The following MYBPC1 variants were observed in gnomAD, a reference collection of about 807,000 sequenced individuals.
The protein encoded by MYBPC1 is myosin binding protein C1.
MYBPC1 carries 52 observed loss-of-function variants against 147.1 expected under a neutral mutation model. That is an observed-to-expected ratio of 0.35 (90% CI 0.28 to 0.45). The LOEUF (loss-of-function observed/expected upper bound fraction) is 0.45. Among genes scored for constraint, MYBPC1 ranks in the 20% least tolerant of loss-of-function variants. MYBPC1 has a pLI of 1.00. For missense variants in MYBPC1, 1,228 were observed against 1,440.3 expected, an observed-to-expected ratio of 0.85 and a Z score of 2.39; for synonymous variants, 477 against 475.9, an observed-to-expected ratio of 1.00 and a Z score of -0.03.
At chr12:101,683,469 A>G (rs1951152939) in intron 30 of MYBPC1, among the ~76,000 whole-genome samples, 1 of 152,186 alleles carries the variant, frequency 6.6e-6, no homozygotes, top group Non-Finnish European at 1.5e-5. Flanking sequence ...ACATATTTAA[A>G]ATATTCCCAT....
At chr12:101,680,631 G>A in intron 29 of MYBPC1, 102 bp downstream of exon 29, 10 of 1,446,952 alleles carry the variant, frequency 6.9e-6, no homozygotes, top group Non-Finnish European at 9.6e-6. Context: ...TTGCCAAAAT[G>A]CTGCAGCGAG....
intron 1 of MYBPC1, among the ~76,000 whole-genome samples, chr12:101,613,639 A>T (rs1481772203): frequency 6.6e-6 from 1 of 152,078 alleles, no homozygotes; most frequent in Non-Finnish European, 1.5e-5. Context: ...GCCTTTACCT[A>T]CTTGGAAATA....
chr12:101,680,425 C>T lies in MYBPC1; in HGVS notation c.3329C>T (p.Thr1110Ile), dbSNP rs774166246. 6 of 1,614,068 alleles carry T rather than the reference C, an allele frequency of 3.7e-6. No individual in the cohort carries two copies. The highest frequency in any genetic ancestry group is 2.2e-5 in the South Asian group (2 of 91,078). The change falls in exon 29 of 32, where the codon ACC (threonine) becomes ATC (isoleucine). Residue 1110 changes from threonine (T) to isoleucine (I), a missense_variant. Thr to Ile is a moderately conservative substitution (Grantham distance 89, BLOSUM62 -1). Around this residue, in one of 2 missense-constraint regions of MYBPC1, gnomAD observed 1,077 missense variants for 1,314.2 expected, o/e 0.82. Coordinates refer to ENST00000361466, the MANE Select transcript of MYBPC1 (RefSeq NM_002465.4). The stretch of plus-strand genomic sequence containing the variant: ...ATGTTCAGCAACCAGGGAGTCTGTA[C>T]CCTGGAAATTCGCAAGCCCAGCCCC... ...YRMFSNQGVCTLEIRKPSPYD... is the reference protein window; with the variant it reads ...YRMFSNQGVCILEIRKPSPYD...
chr12:101,654,751 A>C (rs928274164), intron 18 of MYBPC1, among the ~76,000 whole-genome samples: 11 of 152,220 alleles, frequency 7.2e-5, no homozygotes, highest in African/African-American at 2.7e-4. Context: ...GGCCAATAGT[A>C]GTGCCTGTTC....
chr12:101,671,036 C>T (rs1439986635), intron 24 of MYBPC1, among the ~76,000 whole-genome samples: 1 of 151,204 alleles, frequency 6.6e-6, no homozygotes, highest in African/African-American at 2.4e-5. Flanking sequence ...ACTCCCTATT[C>T]ATATGACACC....
At chr12:101,650,231 T>C (rs946065402) in intron 15 of MYBPC1, among the ~76,000 whole-genome samples, 1 of 152,232 alleles carries the variant, frequency 6.6e-6, no homozygotes. Flanking sequence ...AATTATGCTA[T>C]GCAAAGTCAT....
At chr12:101,674,769 A>G (rs1037382235) in intron 25 of MYBPC1, among the ~76,000 whole-genome samples, 2 of 148,294 alleles carry the variant, frequency 1.3e-5, no homozygotes, top group Non-Finnish European at 3.0e-5. Flanking sequence ...AGGCTGAGGC[A>G]TGAAAATCGC....
At chr12:101,688,467 A>G (rs1951379944), downstream of MYBPC1, among the ~76,000 whole-genome samples, 1 of 152,136 alleles carries the variant, frequency 6.6e-6, no homozygotes, top group Non-Finnish European at 1.5e-5. Context: ...ACCTTAAAAG[A>G]AGGCTTAATG....
At chr12:101,654,435 C>T (rs1015743439) in intron 18 of MYBPC1, among the ~76,000 whole-genome samples, 1 of 152,082 alleles carries the variant, frequency 6.6e-6, no homozygotes, top group Non-Finnish European at 1.5e-5. Flanking sequence ...CTATAATTGC[C>T]TCAAGCTTAT....
intron 30 of MYBPC1, among the ~76,000 whole-genome samples, chr12:101,683,671 A>G (rs1291478016): frequency 1.3e-5 from 2 of 152,214 alleles, no homozygotes; most frequent in Non-Finnish European, 2.9e-5. Context: ...GGAATTGCAA[A>G]TTAAGAGTTT....
chr12:101,678,327 G>T, intron 28 of MYBPC1, 89 bp downstream of exon 28: 1 of 1,551,420 alleles, frequency 6.4e-7, no homozygotes, highest in Non-Finnish European at 8.9e-7. Context: ...AAATCCAGCT[G>T]CTACTTGTGT....
In MYBPC1 at chr12:101,685,877, G is replaced by A; in HGVS notation, c.*315G>A. On this transcript the variant is annotated 3_prime_UTR_variant, in exon 32 of 32. Transcript: ENST00000361466. ...AATTGCAAACAAAATCTCATTTGAA[G>A]TCAGCACTTTGGTCATTATTATCTC... 4.1e-6 allele frequency: 2 copies of A among 486,324 alleles called. No homozygotes were observed. The highest frequency in any genetic ancestry group is 3.6e-6 in the Non-Finnish European group (1 of 276,578). The allele number at this position is 486,324 out of a possible 1,614,324, so 30.1% of individuals were successfully genotyped here. A position where few individuals can be genotyped will look rare whatever the true frequency, so the allele number is the denominator to read the frequency against.
chr12:101,620,769 C>G (rs1887186170), intron 3 of MYBPC1, among the ~76,000 whole-genome samples: 1 of 152,126 alleles, frequency 6.6e-6, no homozygotes, highest in African/African-American at 2.4e-5. Flanking sequence ...CATTTCCATG[C>G]CTAAGTGCTG....
In MYBPC1 at chr12:101,675,376, A is replaced by G. The variant is rs754468920; in HGVS notation, c.2894A>G (p.Asp965Gly). The G allele has an allele frequency of 6.2e-7, 1 of 1,614,034 alleles. No individual in the cohort carries two copies. The highest frequency in any genetic ancestry group is 8.5e-7 in the Non-Finnish European group (1 of 1,179,976). Residue 965 changes from aspartate (D) to glycine (G), a missense_variant, in exon 26 of 32, where the codon GAT (aspartate) becomes GGT (glycine). Transcript: ENST00000361466. ...CTCACATGGACTCCACCAAAGGATG[A>G]TGGAAATGCTGCTATCACAGGCTAT... The part of the protein sequence containing the change: ...VALTWTPPKD[D>G]GNAAITGYTI...
rs1441602299 is a variant in MYBPC1 at position 101,673,601 on chromosome 12, T to A, written c.2788T>A (p.Ser930Thr). Residue 930 changes from serine to threonine, a missense_variant, in exon 25 of 32, where the codon TCA (serine) becomes ACA (threonine). Transcript: ENST00000361466. Reference sequence around the variant, plus strand: ...AGTGGACAAATTCGTGGAGACCGCATCAATTGACATCCAGATCATTGGTAG... The same window carrying A: ...AGTGGACAAATTCGTGGAGACCGCAACAATTGACATCCAGATCATTGGTAG... Reference protein sequence around the residue: ...VKVDKFVETASIDIQIIDRPG... With the variant: ...VKVDKFVETATIDIQIIDRPG... The A allele has an allele frequency of 1.5e-5, 24 of 1,614,160 alleles. No homozygotes were observed. The highest frequency in any genetic ancestry group is 1.9e-5 in the Non-Finnish European group (23 of 1,180,022).
the MYBPC1 span, among the ~76,000 whole-genome samples, chr12:101,693,330 C>T: frequency 0.53 from 79,770 of 151,912 alleles, 22,000 homozygotes; most frequent in Admixed American, 0.61. Context: ...TATATAGTTA[C>T]ATAGATTGCA....
Position 101,660,013 on chromosome 12 carries a change from T to C in MYBPC1, c.1927+182T>C, listed in dbSNP as rs1896255488. The C allele has an allele frequency of 4.1e-6, 3 of 739,984 alleles. No individual in the cohort carries two copies. The South Asian group carries it at 5.0e-5, about 12-fold the overall frequency. 45.8% of individuals were successfully genotyped at this position (739,984 alleles called of 1,614,324 possible). ...AGAGCTAAGGTCAGCCATTTGGGGT[T>C]GCTGGTCATTAGCTCTCCAAAGTCA... On this transcript the variant is annotated intron_variant, in intron 19 of 31. Transcript: ENST00000361466.
intron 18 of MYBPC1, among the ~76,000 whole-genome samples, chr12:101,654,061 C>A (rs1895082783): frequency 6.6e-6 from 1 of 151,910 alleles, no homozygotes; most frequent in African/African-American, 2.4e-5. Context: ...AAAAAATTAG[C>A]CAAATATGGT....
rs751145614 is a variant in MYBPC1 at position 101,670,984 on chromosome 12, A to AAC, written c.2613+576_2613+577insCA. 3.8e-3 allele frequency among the ~76,000 whole-genome samples: 343 copies of AAC among 90,292 alleles called. 1 individual carries two copies. Among genetic ancestry groups the AAC allele is most frequent in the Non-Finnish European group, 6.9e-3 (229 of 32,952 alleles). The allele number at this position is 90,292 out of a possible 152,430, so 59.2% of individuals were successfully genotyped here. On this transcript the variant is annotated intron_variant, in intron 24 of 31. Coordinates refer to ENST00000361466, the MANE Select transcript of MYBPC1 (RefSeq NM_002465.4). ...CAATAGTCAATTTTGGTCTTATACAAATACACACACACACCCTGCACCTCC... is the reference window on the plus strand; with the variant it reads ...CAATAGTCAATTTTGGTCTTATACAAACATACACACACACACCCTGCACCTCC...
Sources: allele counts gnomAD v4.1 joint callset (sites outside exome capture counted in the v4.1 genomes callset), GRCh38; gene constraint gnomAD v4.1.1; regional missense constraint gnomAD v4.1.1; transcripts MANE v1.5; gene names NCBI Gene and HGNC (gene_info 2026-07-23, HGNC 2026-07-21).